The following MED13 variants were observed in gnomAD, a reference collection of about 807,000 sequenced individuals.
MED13 encodes mediator of RNA polymerase II transcription subunit 13.
A neutral mutation model predicts 225.2 loss-of-function variants in MED13; 23 were observed. The observed-to-expected ratio is 0.10, with a 90% CI of 0.07 to 0.14. The LOEUF (loss-of-function observed/expected upper bound fraction) is 0.14. Among genes scored for constraint, MED13 ranks in the 10% least tolerant of loss-of-function variants. The pLI is 1.00. For synonymous variants in MED13, 942 were observed against 889.2 expected, an observed-to-expected ratio of 1.06 and a Z score of -1.06; for missense variants, 2,197 against 2,594.5, an observed-to-expected ratio of 0.85 and a Z score of 3.33.
chr17:62,044,966 T>C (rs866713892), intron 3 of MED13, among the ~76,000 whole-genome samples: 2 of 152,208 alleles, frequency 1.3e-5, no homozygotes, highest in African/African-American at 2.4e-5. Context: ...CTGGCCTATA[T>C]TGCCTTTTAA....
chr17:61,995,099 T>C lies in MED13; in HGVS notation c.2181+53A>G, dbSNP rs1429909963. The C allele has an allele frequency of 6.0e-6, 7 of 1,157,994 alleles. No individual in the cohort carries two copies. In the East Asian group the frequency reaches 1.4e-4, roughly 23 times the overall value. The allele number at this position is 1,157,994 out of a possible 1,614,324, so 71.7% of individuals were successfully genotyped here. ...CTGTGGTAGTAAGAGTGTTACTATA[T>C]GCAGTGCTACAAAATCAACAGTGAC... On this transcript the variant is annotated intron_variant, in intron 10 of 29. Transcript: ENST00000397786.
intron 2 of MED13, among the ~76,000 whole-genome samples, chr17:62,054,581 G>T (rs1432312959): frequency 6.6e-6 from 1 of 152,070 alleles, no homozygotes; most frequent in Non-Finnish European, 1.5e-5. Context: ...TTAATTAAAG[G>T]TCTAGATCAC....
chr17:62,055,329 G>A (rs920985546), intron 2 of MED13, among the ~76,000 whole-genome samples: 27 of 151,956 alleles, frequency 1.8e-4, no homozygotes, highest in African/African-American at 6.3e-4. Flanking sequence ...GATGGGAGTT[G>A]CAGTGAGCTG....
intron 3 of MED13, among the ~76,000 whole-genome samples, chr17:62,047,415 G>T (rs2080908100): frequency 6.6e-6 from 1 of 152,116 alleles, no homozygotes; most frequent in Non-Finnish European, 1.5e-5. Flanking sequence ...GGACATGGAT[G>T]AAGCTGGAAA....
rs745570307 is a variant in MED13, at chr17:61,965,081, G to A, written c.4769C>T (p.Ser1590Leu). The change falls in exon 20 of 30, where the codon TCA becomes TTA. Residue 1590 changes from serine (S) to leucine (L), a missense_variant. Around this residue, in one of 12 missense-constraint regions of MED13, gnomAD observed 457 missense variants for 442.2 expected, o/e 1.03. Transcript: ENST00000397786. ...QSGQLGGQQT[S>L]ALQTAGISGE... ...AGAAATCCCAGCTGTCTGTAGAGCT[G>A]ATGTCTGTTGCCCTCCTAGCTGACC... is the stretch of plus-strand genomic sequence containing the variant. The A allele has an allele frequency of 1.2e-5, 20 of 1,614,088 alleles. No homozygotes were observed. The South Asian group carries it at 2.1e-4, about 17-fold the overall frequency.
chr17:62,043,613 C>T (rs1277464235), intron 3 of MED13, among the ~76,000 whole-genome samples: 5 of 152,170 alleles, frequency 3.3e-5, no homozygotes, highest in African/African-American at 9.7e-5. Flanking sequence ...TTCAACTGGG[C>T]TTAAACCCCT....
At chr17:62,001,448 G>C (rs2080394274) in intron 9 of MED13, among the ~76,000 whole-genome samples, 1 of 151,994 alleles carries the variant, frequency 6.6e-6, no homozygotes, top group Non-Finnish European at 1.5e-5. Flanking sequence ...AACATTACTT[G>C]GTGAGTTTTT....
intron 8 of MED13, among the ~76,000 whole-genome samples, chr17:62,028,469 A>C (rs1439816059): frequency 2.0e-5 from 3 of 152,166 alleles, no homozygotes; most frequent in African/African-American, 7.2e-5. Context: ...GAGTGACAAA[A>C]TAATCTATAC....
intron 7 of MED13, 79 bp from the exon 8 acceptor site, chr17:62,029,730 T>A: frequency 6.6e-7 from 1 of 1,523,534 alleles, no homozygotes; most frequent in Non-Finnish European, 9.0e-7. Context: ...AAATTAATTT[T>A]AAAGATCAAC....
chr17:62,043,472 C>G (rs2080873109), intron 3 of MED13, among the ~76,000 whole-genome samples: 1 of 151,996 alleles, frequency 6.6e-6, no homozygotes, highest in South Asian at 2.1e-4. Context: ...GAGTTCATAC[C>G]CTGACTGATA....
intron 23 of MED13, 140 bp downstream of exon 23, chr17:61,960,727 A>G (rs921804083): frequency 1.1e-5 from 6 of 530,000 alleles, no homozygotes; most frequent in African/African-American, 9.6e-5. Flanking sequence ...TTCACTAAAG[A>G]AAAAAGTAAA....
intron 8 of MED13, among the ~76,000 whole-genome samples, chr17:62,015,455 T>C (rs540788782): frequency 1.1e-4 from 17 of 152,282 alleles, no homozygotes; most frequent in Middle Eastern, 3.4e-3. Flanking sequence ...AAACAATAAG[T>C]TGCAGAAATA....
chr17:62,037,696 T>G (rs2080816595), intron 3 of MED13, among the ~76,000 whole-genome samples: 1 of 147,440 alleles, frequency 6.8e-6, no homozygotes, highest in African/African-American at 2.5e-5. Flanking sequence ...CAAAGAGGCC[T>G]GTAATCCCAG....
intron 1 of MED13, among the ~76,000 whole-genome samples, chr17:62,064,255 C>T (rs539138767): frequency 6.4e-4 from 97 of 152,244 alleles, no homozygotes; most frequent in African/African-American, 2.1e-3. Context: ...AGCTACTGTC[C>T]CATACAGGAC....
intron 2 of MED13, among the ~76,000 whole-genome samples, chr17:62,061,047 A>G (rs2081035331): frequency 6.6e-6 from 1 of 152,310 alleles, no homozygotes; most frequent in Non-Finnish European, 1.5e-5. Flanking sequence ...TTTGAAAATT[A>G]CGCTAAAAAT....
chr17:62,039,425 G>T (rs1317591244), intron 3 of MED13, among the ~76,000 whole-genome samples: 1 of 151,978 alleles, frequency 6.6e-6, no homozygotes, highest in Non-Finnish European at 1.5e-5. Flanking sequence ...TGGGATTACA[G>T]GCACCCATGA....
At chr17:62,049,941 AAAG>A (rs1237410860) in intron 3 of MED13, among the ~76,000 whole-genome samples, 1 of 151,866 alleles carries the variant, frequency 6.6e-6, no homozygotes, top group African/African-American at 2.4e-5. Context: ...AAAAAAAAAA[AAAG>A]AATGAAATGA....
intron 9 of MED13, 96 bp from the exon 10 acceptor site, chr17:61,995,461 A>G: frequency 1.3e-6 from 1 of 760,498 alleles, no homozygotes; most frequent in Non-Finnish European, 2.0e-6. Flanking sequence ...AATTACTTAA[A>G]GATTATCTAA....
chr17:61,959,840 T>C (rs1378541661), intron 23 of MED13, among the ~76,000 whole-genome samples: 1 of 151,696 alleles, frequency 6.6e-6, no homozygotes, highest in Non-Finnish European at 1.5e-5. Context: ...GTGATCCTTC[T>C]GCCTCAGTCT....
Sources: allele counts gnomAD v4.1 joint callset (sites outside exome capture counted in the v4.1 genomes callset), GRCh38; gene constraint gnomAD v4.1.1; regional missense constraint gnomAD v4.1.1; transcripts MANE v1.5; gene names NCBI Gene and HGNC (gene_info 2026-07-23, HGNC 2026-07-21).